Variants in GHR observed in about 807,000 individuals in gnomAD.
GHR encodes growth hormone receptor, also known as GH receptor.
In GHR, 35 loss-of-function variants were observed where a neutral mutation model predicts 67.1. That is an observed-to-expected ratio of 0.52 (90% CI 0.40 to 0.69). The LOEUF (loss-of-function observed/expected upper bound fraction) is 0.69. Ranked by LOEUF, GHR falls within the 30% of genes least tolerant of loss-of-function variation. The pLI is 0.00. For missense variants in GHR, 792 were observed against 764.6 expected (o/e 1.04, Z -0.42); for synonymous variants, 272 against 269.1 (o/e 1.01, Z -0.10).
chr5:42,646,768 G>C (rs991741235), intron 3 of GHR, among the ~76,000 whole-genome samples: 4 of 152,092 alleles, frequency 2.6e-5, no homozygotes, highest in African/African-American at 4.8e-5. Flanking sequence ...CCAAATGAAG[G>C]CATCTCTGAG....
At chr5:42,716,169 CA>C (rs35197877) in intron 8 of GHR, among the ~76,000 whole-genome samples, 4,429 of 29,792 alleles carry the variant, frequency 0.15, 184 homozygotes, top group East Asian at 0.46. Context: ...GATGCAGAAT[CA>C]AAAAAAAAAA....
In GHR at chr5:42,674,412, T is replaced by C. The variant is rs114429888; in HGVS notation, c.137-14478T>C. On this transcript the variant is annotated intron_variant, in intron 3 of 9. Transcript: ENST00000230882. The stretch of plus-strand genomic sequence containing the variant: ...TTTAATCTCAAAGTGGTTTTTGGTA[T>C]ATTCACAATGTTGTGCAACAATCAC... Among the ~76,000 whole-genome samples the C allele has an allele frequency of 4.7e-3, 710 of 152,322 alleles. 6 individuals are homozygous for C. The highest frequency in any genetic ancestry group is 0.016 in the African/African-American group (681 of 41,570).
At chr5:42,504,314 G>A (rs1165561677) in intron 1 of GHR, among the ~76,000 whole-genome samples, 5 of 152,122 alleles carry the variant, frequency 3.3e-5, no homozygotes, top group African/African-American at 9.7e-5. Flanking sequence ...GCTAGGCCAG[G>A]CAGGAAGAAA....
chr5:42,567,708 G>C (rs1750022074), intron 2 of GHR, among the ~76,000 whole-genome samples: 1 of 151,622 alleles, frequency 6.6e-6, no homozygotes, highest in Non-Finnish European at 1.5e-5. Context: ...GATGGGGCAT[G>C]ATGTTTATGT....
intron 8 of GHR, among the ~76,000 whole-genome samples, chr5:42,714,725 TCACAA>T (rs1758638147): frequency 6.6e-6 from 1 of 152,166 alleles, no homozygotes; most frequent in African/African-American, 2.4e-5. Context: ...CTATCATAAA[TCACAA>T]CACAATTTTC....
At chr5:42,636,135 G>A (rs1211258829) in intron 3 of GHR, among the ~76,000 whole-genome samples, 2 of 148,544 alleles carry the variant, frequency 1.3e-5, no homozygotes, top group African/African-American at 2.5e-5. Context: ...GCGTGAACCC[G>A]GGAGGCGGAG....
At chr5:42,511,788 CA>C (rs1336179783) in intron 1 of GHR, among the ~76,000 whole-genome samples, 1 of 152,126 alleles carries the variant, frequency 6.6e-6, no homozygotes, top group African/African-American at 2.4e-5. Context: ...ATGCTGTTCA[CA>C]CTACCCTTCG....
chr5:42,573,848 T>C (rs2112511652), intron 2 of GHR, among the ~76,000 whole-genome samples: 1 of 152,314 alleles, frequency 6.6e-6, no homozygotes, highest in Non-Finnish European at 1.5e-5. Context: ...AAAATGATAC[T>C]TTGTGTATTT....
At chr5:42,481,559 C>T (rs1745638305) in intron 1 of GHR, among the ~76,000 whole-genome samples, 2 of 152,126 alleles carry the variant, frequency 1.3e-5, no homozygotes, top group South Asian at 4.1e-4. Flanking sequence ...TCACATAGTC[C>T]CATATTTCTT....
At chr5:42,475,009 G>A (rs543325562) in intron 1 of GHR, among the ~76,000 whole-genome samples, 1 of 150,440 alleles carries the variant, frequency 6.6e-6, no homozygotes, top group South Asian at 2.1e-4. Context: ...TCAGCCTCCC[G>A]AGTAGCTTGG....
At chr5:42,555,819 G>C (rs1392713585) in intron 1 of GHR, among the ~76,000 whole-genome samples, 1 of 152,194 alleles carries the variant, frequency 6.6e-6, no homozygotes, top group East Asian at 1.9e-4. Flanking sequence ...AAGACAAGGA[G>C]CCTGGTAACG....
intron 2 of GHR, among the ~76,000 whole-genome samples, chr5:42,604,650 T>A (rs1254162678): frequency 1.3e-5 from 2 of 151,956 alleles, no homozygotes; most frequent in East Asian, 3.8e-4. Flanking sequence ...AATAAAAGAC[T>A]GTAATAAGAG....
At chr5:42,448,973 A>C (rs958417399) in intron 1 of GHR, among the ~76,000 whole-genome samples, 2 of 152,034 alleles carry the variant, frequency 1.3e-5, no homozygotes, top group African/African-American at 2.4e-5. Context: ...TGGGTTCTCT[A>C]TTCTGTTCCA....
chr5:42,706,608 A>G (rs910061266), intron 6 of GHR, among the ~76,000 whole-genome samples: 1 of 152,036 alleles, frequency 6.6e-6, no homozygotes, highest in Non-Finnish European at 1.5e-5. Flanking sequence ...TTCTGCATAT[A>G]ACTAGCCAGT....
chr5:42,698,697 A>G (rs1452309825), intron 5 of GHR, among the ~76,000 whole-genome samples: 2 of 152,124 alleles, frequency 1.3e-5, no homozygotes, highest in African/African-American at 4.8e-5. Context: ...CACTGTGTAT[A>G]TCTGTAAAGT....
chr5:42,608,983 T>G (rs1228776881), intron 2 of GHR, among the ~76,000 whole-genome samples: 2 of 152,186 alleles, frequency 1.3e-5, no homozygotes, highest in African/African-American at 4.8e-5. Flanking sequence ...AAAACTTAAT[T>G]TGTGACAAAG....
chr5:42,539,258 C>G (rs1252388676), intron 1 of GHR, among the ~76,000 whole-genome samples: 1 of 152,108 alleles, frequency 6.6e-6, no homozygotes, highest in Admixed American at 6.5e-5. Context: ...GTTAAAGAGC[C>G]TTGCTTTGTC....
chr5:42,695,761 A>C (rs767238373), intron 5 of GHR, among the ~76,000 whole-genome samples: 1 of 152,226 alleles, frequency 6.6e-6, no homozygotes, highest in Non-Finnish European at 1.5e-5. Context: ...TATAAATAGC[A>C]AAATAGAAAG....
At chr5:42,678,598 A>T (rs1476972327) in intron 3 of GHR, among the ~76,000 whole-genome samples, 1 of 152,214 alleles carries the variant, frequency 6.6e-6, no homozygotes, top group Non-Finnish European at 1.5e-5. Flanking sequence ...TTTCAGGAGT[A>T]ACTTTCAGTT....
Sources: gnomAD v4.1 joint callset for allele counts (sites outside exome capture counted in the v4.1 genomes callset) on GRCh38, gnomAD v4.1.1 for gene constraint, MANE v1.5 for transcripts, NCBI Gene and HGNC (gene_info 2026-07-23, HGNC 2026-07-21) for gene names.